The following ZNF544 variants were observed in gnomAD, a reference collection of about 807,000 sequenced individuals.
ZNF544 encodes the protein zinc finger protein 544.
In ZNF544, 10 loss-of-function variants were observed where a neutral mutation model predicts 13.5. The observed-to-expected ratio is 0.74, with a 90% CI of 0.46 to 1.25. ZNF544 has a LOEUF of 1.25. ZNF544 is among the 50% of genes most tolerant of loss of function. ZNF544 has a pLI of 0.00. For missense variants in ZNF544, 896 were observed against 845.6 expected, an observed-to-expected ratio of 1.06 and a Z score of -0.74; for synonymous variants, 323 against 300.5, an observed-to-expected ratio of 1.07 and a Z score of -0.77.
chr19:58,233,189 C>CCCATGACTCAGTTACCTT (rs1342670833), intron 3 of ZNF544, among the ~76,000 whole-genome samples: 1 of 152,002 alleles, frequency 6.6e-6, no homozygotes, highest in Non-Finnish European at 1.5e-5. Context: ...AAGACCTGCC[C>CCCATGACTCAGTTACCTT]CCATGACTCA....
Position 58,228,958 on chromosome 19 carries a change from G to A in ZNF544, c.-232+12G>A, listed in dbSNP as rs1280329446. The A allele has an allele frequency of 6.6e-6, 1 of 152,332 alleles. No homozygotes were observed. The highest frequency in any genetic ancestry group is 2.4e-5 in the African/African-American group (1 of 41,466). The allele number at this position is 152,332 out of a possible 1,614,324, so 9.4% of individuals were successfully genotyped here. A position where few individuals can be genotyped will look rare whatever the true frequency, so the allele number is the denominator to read the frequency against. On this transcript the variant is annotated intron_variant, in intron 1 of 6. Coordinates refer to ENST00000687789, the MANE Select transcript of ZNF544 (RefSeq NM_014480.4). ...GCCGGTGCGTGCAGGTGAGTCTGGC[G>A]GCCTCAAGGTTGGCTCGGAGGTTTC...
chr19:58,268,880 A>G (rs753845373), downstream of ZNF544, among the ~76,000 whole-genome samples: 4 of 152,244 alleles, frequency 2.6e-5, no homozygotes, highest in Non-Finnish European at 5.9e-5. Context: ...ATAGGGCCTA[A>G]CAAAGACTTA....
intron 3 of ZNF544, among the ~76,000 whole-genome samples, chr19:58,241,176 T>TTTAA (rs2043638126): frequency 3.4e-4 from 31 of 92,516 alleles, no homozygotes; most frequent in African/African-American, 1.0e-3. Context: ...TATATATATA[T>TTTAA]ATATTTTTTT....
chr19:58,248,283 T>C (rs967029513), intron 6 of ZNF544, among the ~76,000 whole-genome samples: 1 of 148,348 alleles, frequency 6.7e-6, no homozygotes, highest in Non-Finnish European at 1.5e-5. Flanking sequence ...CTTTTTTTTT[T>C]TTTTTTTTTG....
Position 58,261,721 on chromosome 19 carries a change from G to T in ZNF544, c.1115G>T (p.Arg372Ile), listed in dbSNP as rs2048992318. The change falls in exon 7 of 7, where the codon AGA (arginine) becomes ATA (isoleucine). Residue 372 changes from arginine (R) to isoleucine (I), a missense_variant. Arg to Ile is a moderately conservative substitution (Grantham distance 97). Transcript: ENST00000687789. Reference sequence around the variant, plus strand: ...AGCTGTTGTAAGCTCATACACCAGAGAACACACACTGGAGAAAAGCCCTTC... The same window carrying T: ...AGCTGTTGTAAGCTCATACACCAGATAACACACACTGGAGAAAAGCCCTTC... ...SFSCCKLIHQRTHTGEKPFEC... is the reference protein window; with the variant it reads ...SFSCCKLIHQITHTGEKPFEC... 8 of 1,614,218 alleles carry T rather than the reference G, an allele frequency of 5.0e-6. No homozygotes were observed. Among genetic ancestry groups the T allele is most frequent in the Non-Finnish European group, 5.9e-6 (7 of 1,180,040 alleles).
rs1223573181 is a variant in ZNF544 at position 58,263,451 on chromosome 19, C to T, written c.*697C>T. The T allele has an allele frequency of 7.1e-6, 7 of 985,118 alleles. No homozygotes were observed. The highest frequency in any genetic ancestry group is 1.1e-4 in the East Asian group (1 of 8,794). 61.0% of individuals were successfully genotyped at this position (985,118 alleles called of 1,614,324 possible). ...ACCGCTGCCTTGTGAGAGATTGAGA[C>T]ACTCTAAATAAATAATAACCAAGAT... On this transcript the variant is annotated 3_prime_UTR_variant, in exon 7 of 7. Transcript: ENST00000687789.
chr19:58,277,209 C>G, exon 7 of ZNF544: 1 of 1,230,840 alleles, frequency 8.1e-7, no homozygotes, highest in Non-Finnish European at 1.0e-6. Context: ...AAAGCAGAGA[C>G]GGTACAGGGC....
At chr19:58,268,788 T>C (rs752937733), downstream of ZNF544, among the ~76,000 whole-genome samples, 3 of 152,260 alleles carry the variant, frequency 2.0e-5, no homozygotes, top group Non-Finnish European at 4.4e-5. Context: ...ACCATGAGCA[T>C]GTCCAGCACA....
intron 6 of ZNF544, among the ~76,000 whole-genome samples, chr19:58,254,159 G>T (rs1233598658): frequency 6.6e-6 from 1 of 151,990 alleles, no homozygotes; most frequent in Non-Finnish European, 1.5e-5. Flanking sequence ...GGGAGGCATA[G>T]CTTGCAGTAA....
chr19:58,230,293 G>A (rs2040933453), intron 2 of ZNF544, 101 bp from the exon 3 acceptor site: 1 of 152,236 alleles, frequency 6.6e-6, no homozygotes, highest in African/African-American at 2.4e-5. Context: ...GAATACATGT[G>A]TTGTGCCCCT....
In ZNF544 at chr19:58,251,296, T is replaced by C. The variant is rs756546972; in HGVS notation, c.244+4502T>C. On this transcript the variant is annotated intron_variant, in intron 6 of 6. Coordinates refer to ENST00000687789, the MANE Select transcript of ZNF544 (RefSeq NM_014480.4). ...TAGGCTTTTACTTATCTTTTGGCTG[T>C]CTTTTAAACAGGTACTTCAGGTCTT... 5 of 518,818 alleles carry C rather than the reference T, an allele frequency of 9.6e-6. No homozygotes were observed. The East Asian group carries it at 1.6e-4, about 17-fold the overall frequency. The allele number at this position is 518,818 out of a possible 1,614,324, so 32.1% of individuals were successfully genotyped here. A position where few individuals can be genotyped will look rare whatever the true frequency, so the allele number is the denominator to read the frequency against.
intron 3 of ZNF544, among the ~76,000 whole-genome samples, chr19:58,232,946 C>CAAAAAA (rs71190012): frequency 1.3e-4 from 6 of 46,062 alleles, no homozygotes; most frequent in South Asian, 1.4e-3. Context: ...GACTCCATCT[C>CAAAAAA]AAAAAAAAAA....
chr19:58,263,348 C>G lies in ZNF544; in HGVS notation c.*594C>G, dbSNP rs1458702646. 12 of 885,440 alleles carry G rather than the reference C, an allele frequency of 1.4e-5. No individual in the cohort carries two copies. Among genetic ancestry groups the G allele is most frequent in the Non-Finnish European group, 1.6e-5 (12 of 738,948 alleles). The allele number at this position is 885,440 out of a possible 1,614,324, so 54.8% of individuals were successfully genotyped here. On this transcript the variant is annotated 3_prime_UTR_variant, in exon 7 of 7. Transcript: ENST00000687789. ...TGGTGGCGCATACCTGTAGTCCTAG[C>G]TACTCAGGAGGCTGAGGTGGGAGGA...
At position 58,229,448 on chromosome 19, in the gene ZNF544, C is replaced by T. The variant is rs1231345794; in HGVS notation, c.-231-20C>T. ...GCTCCTTTTTCCTCCCTCAACTCAT[C>T]TTCTGCGGCTTATCCACAGGTGGCA... is the stretch of plus-strand genomic sequence containing the variant. On this transcript the variant is annotated intron_variant, in intron 1 of 6. Coordinates refer to ENST00000687789, the MANE Select transcript of ZNF544 (RefSeq NM_014480.4). 1.3e-5 allele frequency: 2 copies of T among 152,266 alleles called. No individual in the cohort carries two copies. Among genetic ancestry groups the T allele is most frequent in the South Asian group, 2.1e-4 (1 of 4,832 alleles). The allele number at this position is 152,266 out of a possible 1,614,324, so 9.4% of individuals were successfully genotyped here.
Position 58,261,521 on chromosome 19 carries a change from A to G in ZNF544, c.915A>G (p.Glu305=). 6.2e-7 allele frequency: 1 copy of G among 1,614,174 alleles called. No homozygotes were observed. The highest frequency in any genetic ancestry group is 8.5e-7 in the Non-Finnish European group (1 of 1,180,018). The change falls in exon 7 of 7, where the codon GAA becomes GAG. Residue 305 remains glutamate (E), a synonymous_variant. Coordinates refer to ENST00000687789, the MANE Select transcript of ZNF544 (RefSeq NM_014480.4). ...AGTATGAGTGTGATGAGTGCAGGGA[A>G]ACCTGTTCTGAGAGTCTGTGCCTTG... ...KSQYECDECR[E]TCSESLCLVQ... is the part of the protein sequence containing the mutation.
chr19:58,238,984 G>A (rs546916959), intron 3 of ZNF544, among the ~76,000 whole-genome samples: 1 of 152,278 alleles, frequency 6.6e-6, no homozygotes, highest in East Asian at 1.9e-4. Context: ...CTTGTGCAGG[G>A]GAGGCAAGAG....
chr19:58,258,983 G>A (rs2048303721), intron 6 of ZNF544: 2 of 152,150 alleles, frequency 1.3e-5, no homozygotes, highest in African/African-American at 4.8e-5. Context: ...ACAATAACAA[G>A]GATGGCAAGA....
chr19:58,271,009 T>C (rs1282534591), intron 5 of ZNF544, among the ~76,000 whole-genome samples: 2 of 150,892 alleles, frequency 1.3e-5, no homozygotes, highest in Non-Finnish European at 3.0e-5. Context: ...GTCAGGAGTT[T>C]GAGACCAGCC....
chr19:58,268,994 G>C (rs1283036095), downstream of ZNF544, among the ~76,000 whole-genome samples: 2 of 152,150 alleles, frequency 1.3e-5, no homozygotes, highest in Admixed American at 6.6e-5. Flanking sequence ...ACTTTGAAGA[G>C]GAACTTTTAC....
Sources: allele counts gnomAD v4.1 joint callset (sites outside exome capture counted in the v4.1 genomes callset), GRCh38; gene constraint gnomAD v4.1.1; transcripts MANE v1.5; gene names NCBI Gene and HGNC (gene_info 2026-07-23, HGNC 2026-07-21).